The following CSMD1 variants were observed in gnomAD, a reference collection of about 807,000 sequenced individuals.
The protein encoded by CSMD1 is CUB and Sushi multiple domains 1, also known as CUB and sushi domain-containing protein 1.
CSMD1 carries 213 observed loss-of-function variants against 417.5 expected under a neutral mutation model. That is an observed-to-expected ratio of 0.51 (90% CI 0.46 to 0.57). The LOEUF (loss-of-function observed/expected upper bound fraction) is 0.57, where lower values mean the gene tolerates loss of function less well. Ranked by LOEUF, CSMD1 falls within the 20% of genes least tolerant of loss-of-function variation. The probability of loss-of-function intolerance (pLI) is 0.00; values close to 1 mark genes in which losing one functional copy is unlikely to be tolerated. For synonymous variants in CSMD1, 2,862 were observed against 1,736.8 expected (o/e 1.65, Z -16.11); for missense variants, 6,923 against 4,529.7 (o/e 1.53, Z -15.17).
At chr8:4,867,293 G>C (rs1464016891) in intron 1 of CSMD1, among the ~76,000 whole-genome samples, 2 of 151,976 alleles carry the variant, frequency 1.3e-5, no homozygotes, top group Non-Finnish European at 2.9e-5. Context: ...TGTGCTTCTG[G>C]AAAATTAATT....
At chr8:3,439,481 CTGTG>C (rs1209803187) in intron 12 of CSMD1, among the ~76,000 whole-genome samples, 37 of 121,854 alleles carry the variant, frequency 3.0e-4, no homozygotes, top group African/African-American at 1.1e-3. Context: ...CTCTGTGACT[CTGTG>C]TGTGTATCTG....
chr8:3,609,929 G>C (rs908234648), intron 8 of CSMD1, among the ~76,000 whole-genome samples: 2 of 138,162 alleles, frequency 1.4e-5, no homozygotes, highest in African/African-American at 5.4e-5. Flanking sequence ...AGCCTCCCAA[G>C]TAGCTGGGAC....
rs150525158 is a variant in CSMD1 at position 3,541,913 on chromosome 8, T to C, written c.1344+33032A>G. 2.4e-3 allele frequency among the ~76,000 whole-genome samples: 359 copies of C among 152,082 alleles called. 4 individuals are homozygous for C. The highest frequency in any genetic ancestry group is 8.1e-3 in the African/African-American group (336 of 41,490). On this transcript the variant is annotated intron_variant, in intron 10 of 69. Transcript: ENST00000635120. ...CCCATCTCTACTCAAAATACAAACA[T>C]TAGCTGGGCGTGGTGGCTTGTACAC...
intron 3 of CSMD1, among the ~76,000 whole-genome samples, chr8:4,267,567 T>C (rs542868477): frequency 1.3e-5 from 2 of 152,052 alleles, no homozygotes; most frequent in African/African-American, 4.8e-5. Context: ...CAATGGTCAC[T>C]GACACAATAA....
At chr8:4,474,614 C>T (rs1800702719) in intron 2 of CSMD1, among the ~76,000 whole-genome samples, 1 of 152,130 alleles carries the variant, frequency 6.6e-6, no homozygotes, top group African/African-American at 2.4e-5. Context: ...TACTACGTAA[C>T]CCATTCCTGG....
chr8:4,268,810 G>C (rs376746721), intron 3 of CSMD1, among the ~76,000 whole-genome samples: 1 of 151,444 alleles, frequency 6.6e-6, no homozygotes, highest in Non-Finnish European at 1.5e-5. Context: ...ATTATAAAAT[G>C]GTTAATAGCC....
chr8:4,985,242 G>A (rs1351478067), intron 1 of CSMD1, among the ~76,000 whole-genome samples: 1 of 152,114 alleles, frequency 6.6e-6, no homozygotes, highest in Non-Finnish European at 1.5e-5. Flanking sequence ...GAGAGGATTA[G>A]GAAAAGTAAC....
intron 2 of CSMD1, among the ~76,000 whole-genome samples, chr8:4,613,326 G>C (rs917944083): frequency 2.6e-5 from 4 of 152,190 alleles, no homozygotes; most frequent in African/African-American, 4.8e-5. Flanking sequence ...ACCACCGCAG[G>C]TGGCCATGTC....
chr8:3,474,616 A>G (rs542777075), intron 11 of CSMD1, among the ~76,000 whole-genome samples: 27 of 152,326 alleles, frequency 1.8e-4, no homozygotes, highest in Non-Finnish European at 3.4e-4. Flanking sequence ...GTGAGCAGAA[A>G]TATGCTTAGG....
chr8:3,664,608 G>A lies in CSMD1; in HGVS notation c.1009+43806C>T, dbSNP rs1466630585. ...GTTTTCCTCTGCCTTGTATTATTCT[G>A]TCTGTCTCCCCACCATTTCAAAGGC... is the stretch of plus-strand genomic sequence containing the variant. On this transcript the variant is annotated intron_variant, in intron 7 of 69. Transcript: ENST00000635120. Among the ~76,000 whole-genome samples the A allele has an allele frequency of 2.0e-5, 3 of 152,296 alleles. No individual in the cohort carries two copies. The East Asian group carries it at 5.8e-4, about 29-fold the overall frequency.
intron 3 of CSMD1, among the ~76,000 whole-genome samples, chr8:4,177,821 A>G (rs1798136244): frequency 6.6e-6 from 1 of 151,700 alleles, no homozygotes; most frequent in African/African-American, 2.4e-5. Flanking sequence ...AATAAACTAG[A>G]AAATCTATAA....
chr8:4,628,198 T>G (rs1477607576), intron 2 of CSMD1, among the ~76,000 whole-genome samples: 1 of 151,586 alleles, frequency 6.6e-6, no homozygotes, highest in Non-Finnish European at 1.5e-5. Flanking sequence ...CAGTTCTATG[T>G]TAACATTTTC....
intron 42 of CSMD1, chr8:3,112,997 A>T (rs990610904): frequency 1.3e-5 from 2 of 152,208 alleles, no homozygotes; most frequent in Non-Finnish European, 2.9e-5. Context: ...GTGGCATCAA[A>T]GGCACGTTTG....
At chr8:3,267,395 G>A (rs114173461) in intron 26 of CSMD1, among the ~76,000 whole-genome samples, 241 of 152,338 alleles carry the variant, frequency 1.6e-3, no homozygotes, top group African/African-American at 5.1e-3. Flanking sequence ...GTGCGTTGGA[G>A]CAAGGCTTCG....
At chr8:4,399,013 C>G (rs1409843019) in intron 3 of CSMD1, among the ~76,000 whole-genome samples, 1 of 152,196 alleles carries the variant, frequency 6.6e-6, no homozygotes, top group African/African-American at 2.4e-5. Flanking sequence ...AATATGTACA[C>G]AGCTTTGTAA....
At chr8:3,933,213 G>GCTGAA (rs1168348154) in intron 5 of CSMD1, among the ~76,000 whole-genome samples, 1 of 135,646 alleles carries the variant, frequency 7.4e-6, no homozygotes, top group African/African-American at 2.8e-5. Flanking sequence ...ACAATTTCTT[G>GCTGAA]TTAAGTAGAA....
At chr8:4,248,069 T>C (rs185462401) in intron 3 of CSMD1, among the ~76,000 whole-genome samples, 2 of 152,340 alleles carry the variant, frequency 1.3e-5, no homozygotes, top group Admixed American at 1.3e-4. Context: ...ATGGAAATTG[T>C]TAAGGAACTT....
chr8:3,366,331 T>C (rs1490587088), intron 20 of CSMD1, among the ~76,000 whole-genome samples: 1 of 152,084 alleles, frequency 6.6e-6, no homozygotes, highest in African/African-American at 2.4e-5. Flanking sequence ...TGACCAAGTT[T>C]ATCTCTCACA....
Position 3,799,333 on chromosome 8 carries a change from G to C in CSMD1, c.819-45291C>G, listed in dbSNP as rs538174391. ...ACATATGTACACATGTGCCATGCTG[G>C]TGTGCTGCACCCATTAACTCGTCAA... On this transcript the variant is annotated intron_variant, in intron 5 of 69. Transcript: ENST00000635120. 4.4e-3 allele frequency among the ~76,000 whole-genome samples: 665 copies of C among 150,794 alleles called. 1 individual carries two copies. Among genetic ancestry groups the C allele is most frequent in the Non-Finnish European group, 6.1e-3 (413 of 67,754 alleles).
Sources: allele counts gnomAD v4.1 joint callset (sites outside exome capture counted in the v4.1 genomes callset), GRCh38; gene constraint gnomAD v4.1.1; transcripts MANE v1.5; gene names NCBI Gene and HGNC (gene_info 2026-07-23, HGNC 2026-07-21).